SRCIN1: variants seen among roughly 807,000 people sequenced by gnomAD.
SRCIN1 encodes SRC kinase signaling inhibitor 1.
In SRCIN1, 50 loss-of-function variants were observed where a neutral mutation model predicts 116.2. That is an observed-to-expected ratio of 0.43 (90% CI 0.34 to 0.54). The LOEUF (loss-of-function observed/expected upper bound fraction) is 0.54, where lower values mean the gene tolerates loss of function less well. SRCIN1 is among the 20% of genes least tolerant of loss of function. The pLI, the probability that SRCIN1 is intolerant of heterozygous loss-of-function variation, is 0.02. For synonymous variants in SRCIN1, 736 were observed against 750.0 expected, an observed-to-expected ratio of 0.98 and a Z score of 0.30; for missense variants, 1,446 against 1,672.0, an observed-to-expected ratio of 0.86 and a Z score of 2.36.
At chr17:38,534,030 C>T (rs763605391) in intron 18 of SRCIN1, among the ~76,000 whole-genome samples, 138 of 152,212 alleles carry the variant, frequency 9.1e-4, no homozygotes, top group Admixed American at 2.2e-3. Context: ...ACCAGCCTCC[C>T]GCCCAGTGCA....
intron 3 of SRCIN1, 36 bp from the exon 4 acceptor site, chr17:38,564,349 TGA>T (rs750324489): frequency 1.4e-6 from 2 of 1,464,620 alleles, no homozygotes; most frequent in South Asian, 2.6e-5. Context: ...GAACCAAGGA[TGA>T]GCACCCCCCC....
At chr17:38,538,610 T>A (rs3883933) in intron 18 of SRCIN1, among the ~76,000 whole-genome samples, 11,643 of 152,132 alleles carry the variant, frequency 0.077, 504 homozygotes, top group East Asian at 0.14. Context: ...GGGTTCCTGT[T>A]CCTTGCAGCT....
At chr17:38,600,512 T>C (rs1597941524) in intron 1 of SRCIN1, among the ~76,000 whole-genome samples, 1 of 152,154 alleles carries the variant, frequency 6.6e-6, no homozygotes, top group Admixed American at 6.5e-5. Context: ...GAGGCCCAGG[T>C]TTCAGCACAC....
At chr17:38,601,508 T>TA (rs1288937585) in intron 1 of SRCIN1, among the ~76,000 whole-genome samples, 1 of 151,180 alleles carries the variant, frequency 6.6e-6, no homozygotes, top group Admixed American at 6.6e-5. Context: ...CAAAGAGAAA[T>TA]ATGAGGGGCA....
chr17:38,552,190 G>A lies in SRCIN1; in HGVS notation c.2481-58C>T. ...GCCAGCAGGTGGTGACCCTTCTGCAGGAAGGCTGCTCTGAGGGAGGTGGGG... is the reference window on the plus strand; with the variant it reads ...GCCAGCAGGTGGTGACCCTTCTGCAAGAAGGCTGCTCTGAGGGAGGTGGGG... On this transcript the variant is annotated intron_variant, in intron 13 of 18. Transcript: ENST00000617146. The surrounding 1 kb of genome is among the most constrained non-coding windows in gnomAD (Gnocchi z 5.3). The A allele has an allele frequency of 2.6e-6, 4 of 1,565,458 alleles. No homozygotes were observed. The highest frequency in any genetic ancestry group is 3.5e-6 in the Non-Finnish European group (4 of 1,153,190).
At position 38,604,433 on chromosome 17, in the gene SRCIN1, G is replaced by C. The variant is rs1909235015; in HGVS notation, c.22+1251C>G. 2.3e-6 allele frequency: 1 copy of C among 432,370 alleles called. No homozygotes were observed. Among genetic ancestry groups the C allele is most frequent in the South Asian group, 1.6e-5 (1 of 60,886 alleles). 26.8% of individuals were successfully genotyped at this position (432,370 alleles called of 1,614,324 possible). A position where few individuals can be genotyped will look rare whatever the true frequency, so the allele number is the denominator to read the frequency against. On this transcript the variant is annotated intron_variant, in intron 1 of 18. Coordinates refer to ENST00000617146, the MANE Select transcript of SRCIN1 (RefSeq NM_025248.3). The surrounding 1 kb of genome is among the most constrained non-coding windows in gnomAD (Gnocchi z 4.3). ...TTGTCCCACAACATTTGAGGAGGGGGGCTGGGAAGATCCCCCTCCTTGCAT... is the reference window on the plus strand; with the variant it reads ...TTGTCCCACAACATTTGAGGAGGGGCGCTGGGAAGATCCCCCTCCTTGCAT...
At chr17:38,590,651 C>T (rs994164732) in intron 1 of SRCIN1, among the ~76,000 whole-genome samples, 44 of 152,214 alleles carry the variant, frequency 2.9e-4, no homozygotes, top group African/African-American at 1.0e-3. Context: ...CCCTATTTTA[C>T]AGGTGAAGAA....
chr17:38,601,833 A>T, intron 1 of SRCIN1, among the ~76,000 whole-genome samples: 1 of 152,152 alleles, frequency 6.6e-6, no homozygotes, highest in Non-Finnish European at 1.5e-5. Context: ...AAGCAGGGCC[A>T]GAGCTGGGGA....
intron 18 of SRCIN1, chr17:38,541,699 T>A (rs1231405927): frequency 6.6e-6 from 1 of 152,548 alleles, no homozygotes; most frequent in Admixed American, 6.6e-5. Context: ...ACGCCTGTAA[T>A]CCCAGCACTT....
At chr17:38,548,345 C>G (rs1052454344) in intron 17 of SRCIN1, among the ~76,000 whole-genome samples, 1 of 152,202 alleles carries the variant, frequency 6.6e-6, no homozygotes, top group Non-Finnish European at 1.5e-5. Context: ...TTAAAAAACT[C>G]AAACCTGCAA....
upstream of SRCIN1, among the ~76,000 whole-genome samples, chr17:38,606,487 C>G (rs944782689): frequency 6.6e-6 from 1 of 152,140 alleles, no homozygotes; most frequent in African/African-American, 2.4e-5. This position sits in a 1 kb window ranked among gnomAD's most constrained non-coding sequence, Gnocchi z 5.2. Flanking sequence ...AGACGCGGCT[C>G]GGTCGGAGGG....
At chr17:38,553,030 G>A (rs969710484) in intron 11 of SRCIN1, among the ~76,000 whole-genome samples, 175 bp from the exon 12 acceptor site, 5 of 152,174 alleles carry the variant, frequency 3.3e-5, no homozygotes, top group Admixed American at 6.5e-5. Flanking sequence ...TGAGGCAGGC[G>A]GATCACTTGA....
At chr17:38,547,485 C>T (rs1362159641) in intron 17 of SRCIN1, among the ~76,000 whole-genome samples, 1 of 152,158 alleles carries the variant, frequency 6.6e-6, no homozygotes, top group African/African-American at 2.4e-5. Flanking sequence ...TCAGCAAGCC[C>T]GTGAGAAAAT....
At position 38,549,000 on chromosome 17, in the gene SRCIN1, C is replaced by G. The variant is rs906376504; in HGVS notation, c.3117+56G>C. Reference sequence around the variant, plus strand: ...ACCCCAGAGGGCCTCCAGAAGTCATCTGAGGCTTCATCCTAACTCAGTCCC... The same window carrying G: ...ACCCCAGAGGGCCTCCAGAAGTCATGTGAGGCTTCATCCTAACTCAGTCCC... On this transcript the variant is annotated intron_variant, in intron 16 of 18. Coordinates refer to ENST00000617146, the MANE Select transcript of SRCIN1 (RefSeq NM_025248.3). The G allele has an allele frequency of 1.0e-5, 16 of 1,591,216 alleles. No individual in the cohort carries two copies. The African/African-American group carries it at 1.9e-4, about 19-fold the overall frequency.
chr17:38,543,354 G>A (rs544954468), intron 18 of SRCIN1, among the ~76,000 whole-genome samples: 5 of 152,318 alleles, frequency 3.3e-5, no homozygotes, highest in Non-Finnish European at 7.4e-5. Flanking sequence ...GTGGGGCCCT[G>A]AATAGCAGGC....
intron 1 of SRCIN1, among the ~76,000 whole-genome samples, chr17:38,605,409 T>G (rs1203879637): frequency 7.1e-6 from 1 of 140,806 alleles, no homozygotes; most frequent in Non-Finnish European, 1.5e-5. Flanking sequence ...CGGGGCGTAG[T>G]GAGGCCCTCC....
Position 38,531,870 on chromosome 17 carries a change from C to T in SRCIN1, c.*1427G>A, listed in dbSNP as rs1472523270. The stretch of plus-strand genomic sequence containing the variant: ...TTGCTATGGGGGACTGATTCTAGTC[C>T]CCCTCCCCTGTGCTTACTTCACTTT... On this transcript the variant is annotated 3_prime_UTR_variant, in exon 19 of 19. Coordinates refer to ENST00000617146, the MANE Select transcript of SRCIN1 (RefSeq NM_025248.3). 6.5e-6 allele frequency: 1 copy of T among 152,794 alleles called. No homozygotes were observed. 9.5% of individuals were successfully genotyped at this position (152,794 alleles called of 1,614,324 possible).
chr17:38,606,096 C>T (rs1412702022), upstream of SRCIN1, among the ~76,000 whole-genome samples: 1 of 150,466 alleles, frequency 6.6e-6, no homozygotes, highest in East Asian at 2.0e-4. This position sits in a 1 kb window ranked among gnomAD's most constrained non-coding sequence, Gnocchi z 5.2. Flanking sequence ...TTCTCGCGCC[C>T]TCCAGCTTCA....
At chr17:38,580,128 T>C (rs1182343084) in intron 1 of SRCIN1, among the ~76,000 whole-genome samples, 2 of 152,104 alleles carry the variant, frequency 1.3e-5, no homozygotes, top group Non-Finnish European at 2.9e-5. Context: ...CTGGAAACGC[T>C]GGAAACCAGC....
Sources: gnomAD v4.1 joint callset for allele counts (sites outside exome capture counted in the v4.1 genomes callset) on GRCh38, gnomAD v4.1.1 for gene constraint, Gnocchi (gnomAD v3.1) non-coding constraint, MANE v1.5 for transcripts, NCBI Gene and HGNC (gene_info 2026-07-23, HGNC 2026-07-21) for gene names.